ITPKC: variants seen among roughly 807,000 people sequenced by gnomAD.
ITPKC encodes inositol-trisphosphate 3-kinase C, also known as IP3 3-kinase C.
Under a neutral mutation model 67.1 loss-of-function variants are expected in ITPKC, and 33 were observed. The ratio of observed to expected loss-of-function variants is 0.49; its 90% CI spans 0.37 to 0.66. The LOEUF (loss-of-function observed/expected upper bound fraction) is 0.66, where lower values mean the gene tolerates loss of function less well. Among genes scored for constraint, ITPKC ranks in the 30% least tolerant of loss-of-function variants. The pLI is 0.00. For missense variants in ITPKC, 820 were observed against 892.1 expected, an observed-to-expected ratio of 0.92 and a Z score of 1.03; for synonymous variants, 341 against 359.8, an observed-to-expected ratio of 0.95 and a Z score of 0.59.
intron 6 of ITPKC, among the ~76,000 whole-genome samples, chr19:40,738,722 G>A (rs1424207153): frequency 6.6e-6 from 1 of 152,178 alleles, no homozygotes; most frequent in Non-Finnish European, 1.5e-5. Context: ...ACTGTCTTAA[G>A]CACTTAATGT....
intron 4 of ITPKC, among the ~76,000 whole-genome samples, chr19:40,736,648 C>T (rs899869698): frequency 3.3e-5 from 5 of 152,136 alleles, no homozygotes; most frequent in Non-Finnish European, 7.4e-5. Flanking sequence ...GGATTACAGG[C>T]GCCCGCCACC....
intron 1 of ITPKC, among the ~76,000 whole-genome samples, chr19:40,722,123 T>G (rs2082225566): frequency 6.6e-6 from 1 of 152,144 alleles, no homozygotes; most frequent in Non-Finnish European, 1.5e-5. Context: ...ATCATAACCA[T>G]GACAACCCCA....
At chr19:40,734,781 G>GTTTTTTT (rs34843018) in intron 4 of ITPKC, among the ~76,000 whole-genome samples, 2 of 114,870 alleles carry the variant, frequency 1.7e-5, no homozygotes, top group South Asian at 2.8e-4. Flanking sequence ...GCTAATTGTT[G>GTTTTTTT]TTTTTTTTTT....
At position 40,739,365 on chromosome 19, in the gene ITPKC, C is replaced by T. The variant is rs1228264471; in HGVS notation, c.1857C>T (p.Gly619=). ...SPFFKTHEVV[G]SSLLFVHDHT... is the part of the protein sequence containing the mutation. ...CGTCTCTACCCCGGCAGGTGGTAGG[C>T]AGCTCCCTCCTCTTCGTGCACGACC... is the stretch of plus-strand genomic sequence containing the variant. The change falls in exon 7 of 7, where the codon GGC becomes GGT. Residue 619 remains glycine (G), a synonymous_variant. Transcript: ENST00000263370. The T allele has an allele frequency of 2.5e-6, 4 of 1,613,480 alleles. No individual in the cohort carries two copies. The East Asian group carries it at 8.9e-5, about 36-fold the overall frequency.
chr19:40,722,357 C>T (rs1490380060), intron 1 of ITPKC, among the ~76,000 whole-genome samples: 1 of 152,042 alleles, frequency 6.6e-6, no homozygotes, highest in African/African-American at 2.4e-5. Flanking sequence ...GAGTCTTTGT[C>T]ATTGTGTCTG....
In ITPKC at chr19:40,739,785, A is replaced by T. The variant is rs2082315383; in HGVS notation, c.*225A>T. 2 of 572,214 alleles carry T rather than the reference A, an allele frequency of 3.5e-6. No homozygotes were observed. Among genetic ancestry groups the T allele is most frequent in the East Asian group, 2.9e-5 (1 of 34,178 alleles). 35.4% of individuals were successfully genotyped at this position (572,214 alleles called of 1,614,324 possible). A position where few individuals can be genotyped will look rare whatever the true frequency, so the allele number is the denominator to read the frequency against. On this transcript the variant is annotated 3_prime_UTR_variant, in exon 7 of 7. Transcript: ENST00000263370. ...GCAGGGGTTTTGGGGACCTGGAAGG[A>T]AGGTGATGAGGCAGTGAGTCAGAAA...
At chr19:40,736,420 T>G (rs147461234) in intron 4 of ITPKC, among the ~76,000 whole-genome samples, 226 of 152,262 alleles carry the variant, frequency 1.5e-3, no homozygotes, top group African/African-American at 5.2e-3. Context: ...CTCAGGCATG[T>G]GACCTGGGGC....
intron 6 of ITPKC, among the ~76,000 whole-genome samples, chr19:40,738,146 T>C (rs972801187): frequency 5.1e-5 from 7 of 137,960 alleles, no homozygotes; most frequent in African/African-American, 1.9e-4. Flanking sequence ...ATACAAAAAT[T>C]GGCTGGGTGC....
rs1226313889 is a variant in ITPKC at position 40,740,715 on chromosome 19, C to T, written c.*1155C>T. 16 of 363,272 alleles carry T rather than the reference C, an allele frequency of 4.4e-5. No homozygotes were observed. The highest frequency in any genetic ancestry group is 6.9e-5 in the Non-Finnish European group (14 of 203,376). 22.5% of individuals were successfully genotyped at this position (363,272 alleles called of 1,614,324 possible). A position where few individuals can be genotyped will look rare whatever the true frequency, so the allele number is the denominator to read the frequency against. ...ACTGTCTTCCAGGGCTGAGGAGATG[C>T]TCTCCTTTTCTACTGACCATCTTGA... On this transcript the variant is annotated 3_prime_UTR_variant, in exon 7 of 7. Transcript: ENST00000263370.
intron 5 of ITPKC, 101 bp from the exon 6 acceptor site, chr19:40,737,597 C>G (rs760108256): frequency 7.9e-6 from 8 of 1,018,652 alleles, no homozygotes; most frequent in Non-Finnish European, 1.2e-5. Flanking sequence ...CTGGCTAGAG[C>G]CTGCCTGCTC....
At chr19:40,732,624 G>T (rs1486458621) in intron 3 of ITPKC, among the ~76,000 whole-genome samples, 1 of 151,822 alleles carries the variant, frequency 6.6e-6, no homozygotes, top group African/African-American at 2.4e-5. Context: ...CTAACACCGG[G>T]TCTCGCTATG....
chr19:40,725,090 A>G (rs2303723), intron 1 of ITPKC, among the ~76,000 whole-genome samples: 14,655 of 152,188 alleles, frequency 0.096, 1,037 homozygotes, highest in East Asian at 0.22. Flanking sequence ...ACATAGATAC[A>G]AAGAAAGTGA....
intron 4 of ITPKC, among the ~76,000 whole-genome samples, chr19:40,734,243 T>C (rs1224277711): frequency 6.6e-6 from 1 of 152,250 alleles, no homozygotes; most frequent in Non-Finnish European, 1.5e-5. Flanking sequence ...ACACTGTTTT[T>C]GTGACTGTGC....
At position 40,729,420 on chromosome 19, in the gene ITPKC, G is replaced by C; in HGVS notation, c.1469+5G>C. 1 of 1,610,452 alleles carries C rather than the reference G, an allele frequency of 6.2e-7. No homozygotes were observed. The highest frequency in any genetic ancestry group is 8.5e-7 in the Non-Finnish European group (1 of 1,178,520). ...GGACTGCAAGATGGGCAGCAGGTGGGGCTGGGGCAGCCCTGGGGCAGGGAT... is the reference window on the plus strand; with the variant it reads ...GGACTGCAAGATGGGCAGCAGGTGGCGCTGGGGCAGCCCTGGGGCAGGGAT... On this transcript the variant is annotated splice_donor_5th_base_variant and intron_variant, in intron 3 of 6. Transcript: ENST00000263370.
intron 3 of ITPKC, among the ~76,000 whole-genome samples, chr19:40,731,950 G>T (rs1203945160): frequency 6.6e-6 from 1 of 152,026 alleles, no homozygotes; most frequent in East Asian, 2.0e-4. Flanking sequence ...TATAACAAAA[G>T]ATTGTGGCTG....
chr19:40,718,312 C>T (rs370611996), intron 1 of ITPKC, 22 bp downstream of exon 1: 120 of 1,495,920 alleles, frequency 8.0e-5, no homozygotes, highest in Non-Finnish European at 1.0e-4. Context: ...CCATCCTGCC[C>T]TTGAGCCACA....
At chr19:40,732,666 A>G (rs2082277249) in intron 3 of ITPKC, among the ~76,000 whole-genome samples, 1 of 152,032 alleles carries the variant, frequency 6.6e-6, no homozygotes, top group African/African-American at 2.4e-5. Flanking sequence ...TTCTGGGCTC[A>G]AGTGAACCTC....
chr19:40,717,383 A>G lies in ITPKC; in HGVS notation c.248A>G (p.Glu83Gly), dbSNP rs769620376. Residue 83 changes from glutamate to glycine, a missense_variant, in exon 1 of 7, where the codon GAG becomes GGG. Transcript: ENST00000263370. Reference protein sequence around the residue: ...RAGLGPAPGTESPQAEFWTDG... With the variant: ...RAGLGPAPGTGSPQAEFWTDG... ...GGCCTCGGGCCTGCGCCGGGGACAG[A>G]GAGTCCGCAGGCAGAATTCTGGACA... is the stretch of plus-strand genomic sequence containing the variant. 8 of 1,613,120 alleles carry G rather than the reference A, an allele frequency of 5.0e-6. No individual in the cohort carries two copies. The African/African-American group carries it at 9.3e-5, about 19-fold the overall frequency.
intron 2 of ITPKC, among the ~76,000 whole-genome samples, chr19:40,728,563 C>T (rs1368696042): frequency 6.6e-6 from 1 of 152,142 alleles, no homozygotes; most frequent in African/African-American, 2.4e-5. Flanking sequence ...CAAATCCACT[C>T]TGGAGAGTGA....
Sources: gnomAD v4.1 joint callset for allele counts (sites outside exome capture counted in the v4.1 genomes callset) on GRCh38, gnomAD v4.1.1 for gene constraint, MANE v1.5 for transcripts, NCBI Gene and HGNC (gene_info 2026-07-23, HGNC 2026-07-21) for gene names.